DHRS13: variants seen among roughly 807,000 people sequenced by gnomAD.
DHRS13 encodes dehydrogenase/reductase 13.
DHRS13 carries 22 observed loss-of-function variants against 17.9 expected under a neutral mutation model. The observed-to-expected ratio is 1.23, with a 90% CI of 0.88 to 1.75. The LOEUF (loss-of-function observed/expected upper bound fraction) is 1.75. DHRS13 is among the 40% of genes most tolerant of loss of function. The pLI is 0.00. For synonymous variants in DHRS13, 206 were observed against 220.4 expected (o/e 0.93, Z 0.58); for missense variants, 483 against 519.9 (o/e 0.93, Z 0.69).
In DHRS13 at chr17:28,901,444, C is replaced by T. The variant is rs773448676; in HGVS notation, c.370+49G>A. The T allele has an allele frequency of 2.5e-6, 4 of 1,611,114 alleles. No homozygotes were observed. In the South Asian group the frequency reaches 3.3e-5, roughly 13 times the overall value. ...GGCCCCCGCTGGAGGGGGCAGTTGC[C>T]CCTGGCCACCCGCCACCCCACCCCC... On this transcript the variant is annotated intron_variant, in intron 3 of 4. Transcript: ENST00000378895. This position sits in a 1 kb window ranked among gnomAD's most constrained non-coding sequence, Gnocchi z 4.3.
At position 28,898,183 on chromosome 17, in the gene DHRS13, T is replaced by C. The variant is rs765422117; in HGVS notation, c.*258A>G. On this transcript the variant is annotated 3_prime_UTR_variant, in exon 5 of 5. Coordinates refer to ENST00000378895, the MANE Select transcript of DHRS13 (RefSeq NM_144683.4). ...CAATAAGGGTGGGGCCTGAAAATAC[T>C]ACATCCAAATTTCCGAGAAGCACAG... The C allele has an allele frequency of 7.0e-5, 35 of 503,192 alleles. No homozygotes were observed. The highest frequency in any genetic ancestry group is 1.1e-4 in the Non-Finnish European group (31 of 287,460). The allele number at this position is 503,192 out of a possible 1,614,324, so 31.2% of individuals were successfully genotyped here. A position where few individuals can be genotyped will look rare whatever the true frequency, so the allele number is the denominator to read the frequency against.
Position 28,898,686 on chromosome 17 carries a change from C to T in DHRS13, c.889G>A (p.Asp297Asn), listed in dbSNP as rs377069254. The T allele has an allele frequency of 3.1e-5, 50 of 1,613,460 alleles. No homozygotes were observed. The highest frequency in any genetic ancestry group is 8.3e-5 in the Admixed American group (5 of 59,960). The change falls in exon 5 of 5, where the codon GAC (aspartate) becomes AAC (asparagine). Residue 297 changes from aspartate to asparagine, a missense_variant. Asp to Asn is a conservative substitution (Grantham distance 23). Transcript: ENST00000378895. The part of the protein sequence containing the change: ...VEEVPPAARD[D>N]RAAHRLWEAS... ...TCCCATAGCCGATGGGCTGCCCGGT[C>T]GTCTCGGGCAGCTGGAGGCACCTCT...
Position 28,902,857 on chromosome 17 carries a change from C to T in DHRS13, c.88G>A (p.Gly30Ser), listed in dbSNP as rs769324384. 12 of 1,550,392 alleles carry T rather than the reference C, an allele frequency of 7.7e-6. No individual in the cohort carries two copies. The highest frequency in any genetic ancestry group is 1.0e-5 in the Non-Finnish European group (12 of 1,156,744). The change falls in exon 1 of 5, where the codon GGC becomes AGC. Residue 30 changes from glycine to serine, a missense_variant. Coordinates refer to ENST00000378895, the MANE Select transcript of DHRS13 (RefSeq NM_144683.4). This position sits in a 1 kb window ranked among gnomAD's most constrained non-coding sequence, Gnocchi z 4.0. ...GTGCGGCCCCGCAGGTTGCCCATGC[C>T]GCCGCACGGCGGGGCCTTCACCAGG... ...YNLVKAPPCG[G>S]MGNLRGRTAV...
At position 28,902,650 on chromosome 17, in the gene DHRS13, C is replaced by T. The variant is rs943576399; in HGVS notation, c.179G>A (p.Gly60Glu). 1.4e-6 allele frequency: 2 copies of T among 1,439,486 alleles called. No individual in the cohort carries two copies. The highest frequency in any genetic ancestry group is 1.5e-5 in the African/African-American group (1 of 67,096). 89.2% of individuals were successfully genotyped at this position (1,439,486 alleles called of 1,614,324 possible). Reference sequence around the variant, plus strand: ...GCGGCAGGCCAGCACCACGCGCGCTCCCCGGCGCGCCAGCTCCAGCGCCGT... The same window carrying T: ...GCGGCAGGCCAGCACCACGCGCGCTTCCCGGCGCGCCAGCTCCAGCGCCGT... ...KMTALELARR[G>E]ARVVLACRSQ... The change falls in exon 2 of 5, where the codon GGA (glycine) becomes GAA (glutamate). Residue 60 changes from glycine to glutamate, a missense_variant. Gly to Glu is a moderately conservative substitution (Grantham distance 98). Coordinates refer to ENST00000378895, the MANE Select transcript of DHRS13 (RefSeq NM_144683.4). The surrounding 1 kb of genome is among the most constrained non-coding windows in gnomAD (Gnocchi z 4.0).
rs1350052790 is a variant in DHRS13, at chr17:28,898,631, G to T, written c.944C>A (p.Pro315His). 1 of 1,613,824 alleles carries T rather than the reference G, an allele frequency of 6.2e-7. No homozygotes were observed. The highest frequency in any genetic ancestry group is 1.7e-5 in the Admixed American group (1 of 59,968). Residue 315 changes from proline to histidine, a missense_variant, in exon 5 of 5, where the codon CCT becomes CAT. By Grantham distance (77) the Pro-to-His change is moderately conservative. Transcript: ENST00000378895. The part of the protein sequence containing the change: ...EASKRLAGLG[P>H]GEDAEPDEDP... Reference sequence around the variant, plus strand: ...TTCATCGGGTTCAGCATCCTCCCCAGGCCCAAGCCCTGCCAGCCTCTTGCT... The same window carrying T: ...TTCATCGGGTTCAGCATCCTCCCCATGCCCAAGCCCTGCCAGCCTCTTGCT...
chr17:28,902,751 G>A lies in DHRS13; in HGVS notation c.128-50C>T. 2 of 1,386,958 alleles carry A rather than the reference G, an allele frequency of 1.4e-6. No individual in the cohort carries two copies. Among genetic ancestry groups the A allele is most frequent in the Non-Finnish European group, 1.9e-6 (2 of 1,079,600 alleles). The allele number at this position is 1,386,958 out of a possible 1,614,324, so 85.9% of individuals were successfully genotyped here. ...GCTGAGCTGAGCCCGGCGGGCCGCTGCTACCGCCGGCCCGGCCTCCTCTCC... is the reference window on the plus strand; with the variant it reads ...GCTGAGCTGAGCCCGGCGGGCCGCTACTACCGCCGGCCCGGCCTCCTCTCC... On this transcript the variant is annotated intron_variant, in intron 1 of 4. Coordinates refer to ENST00000378895, the MANE Select transcript of DHRS13 (RefSeq NM_144683.4). This position sits in a 1 kb window ranked among gnomAD's most constrained non-coding sequence, Gnocchi z 4.0.
At position 28,902,905 on chromosome 17, in the gene DHRS13, C is replaced by T. The variant is rs749334823; in HGVS notation, c.40G>A (p.Ala14Thr). The T allele has an allele frequency of 6.4e-7, 1 of 1,552,840 alleles. No homozygotes were observed. The change falls in exon 1 of 5, where the codon GCT becomes ACT. Residue 14 changes from alanine to threonine, a missense_variant. Physicochemically the swap from Ala to Thr is moderately conservative, Grantham distance 58 (BLOSUM62 0). Coordinates refer to ENST00000378895, the MANE Select transcript of DHRS13 (RefSeq NM_144683.4). The surrounding 1 kb of genome is among the most constrained non-coding windows in gnomAD (Gnocchi z 4.0). ...LLLGAGLLLGAYVLVYYNLVK... is the reference protein window; with the variant it reads ...LLLGAGLLLGTYVLVYYNLVK... Reference sequence around the variant, plus strand: ...AGGTTGTAGTAGACAAGCACGTAAGCGCCCAGCAGCAACCCCGCGCCCAGC... The same window carrying T: ...AGGTTGTAGTAGACAAGCACGTAAGTGCCCAGCAGCAACCCCGCGCCCAGC...
Position 28,901,225 on chromosome 17 carries a change from C to T in DHRS13, c.447G>A (p.Leu149=). ...TCAGGCAAGGCAGCAGCAGATGTGT[C>T]AGCAGAAAGGGACCGATATGGTTCA... ...LRVNHIGPFL[L]THLLLPCLKA... is the part of the protein sequence containing the mutation. Residue 149 remains leucine (L), a synonymous_variant, in exon 4 of 5, where the codon CTG becomes CTA. Coordinates refer to ENST00000378895, the MANE Select transcript of DHRS13 (RefSeq NM_144683.4). The surrounding 1 kb of genome is among the most constrained non-coding windows in gnomAD (Gnocchi z 4.3). 1 of 1,614,196 alleles carries T rather than the reference C, an allele frequency of 6.2e-7. No homozygotes were observed. Among genetic ancestry groups the T allele is most frequent in the African/African-American group, 1.3e-5 (1 of 75,048 alleles).
Position 28,902,742 on chromosome 17 carries a change from C to G in DHRS13, c.128-41G>C. 1.5e-6 allele frequency: 2 copies of G among 1,374,028 alleles called. No individual in the cohort carries two copies. Among genetic ancestry groups the G allele is most frequent in the Non-Finnish European group, 1.9e-6 (2 of 1,074,186 alleles). The allele number at this position is 1,374,028 out of a possible 1,614,324, so 85.1% of individuals were successfully genotyped here. A position where few individuals can be genotyped will look rare whatever the true frequency, so the allele number is the denominator to read the frequency against. ...GGGAGCCGAGCTGAGCTGAGCCCGG[C>G]GGGCCGCTGCTACCGCCGGCCCGGC... On this transcript the variant is annotated intron_variant, in intron 1 of 4. Transcript: ENST00000378895. The surrounding 1 kb of genome is among the most constrained non-coding windows in gnomAD (Gnocchi z 4.0).
In DHRS13 at chr17:28,898,254, C is replaced by G. The variant is rs562705114; in HGVS notation, c.*187G>C. 629 of 624,868 alleles carry G rather than the reference C, an allele frequency of 1.0e-3. 3 individuals are homozygous for G. Among genetic ancestry groups the G allele is most frequent in the South Asian group, 1.4e-3 (63 of 45,022 alleles). 38.7% of individuals were successfully genotyped at this position (624,868 alleles called of 1,614,324 possible). On this transcript the variant is annotated 3_prime_UTR_variant, in exon 5 of 5. Coordinates refer to ENST00000378895, the MANE Select transcript of DHRS13 (RefSeq NM_144683.4). The stretch of plus-strand genomic sequence containing the variant: ...CTCCATCTGGGGTTACTGTCACTCT[C>G]AGGAAGAAATAATCACCCATTATTC...
chr17:28,898,641 C>T lies in DHRS13; in HGVS notation c.934G>A (p.Gly312Arg). The T allele has an allele frequency of 6.2e-7, 1 of 1,613,798 alleles. No individual in the cohort carries two copies. The highest frequency in any genetic ancestry group is 8.5e-7 in the Non-Finnish European group (1 of 1,179,884). The change falls in exon 5 of 5, where the codon GGG (glycine) becomes AGG (arginine). Residue 312 changes from glycine (G) to arginine (R), a missense_variant. Coordinates refer to ENST00000378895, the MANE Select transcript of DHRS13 (RefSeq NM_144683.4). The part of the protein sequence containing the change: ...RLWEASKRLA[G>R]LGPGEDAEPD... ...TCAGCATCCTCCCCAGGCCCAAGCC[C>T]TGCCAGCCTCTTGCTGGCCTCCCAT...
rs898827580 is a variant in DHRS13, at chr17:28,902,765, G to A, written c.127+53C>T. ...GGCGGGCCGCTGCTACCGCCGGCCC[G>A]GCCTCCTCTCCGCGCGCCCCGCCAG... On this transcript the variant is annotated intron_variant, in intron 1 of 4. Transcript: ENST00000378895. The surrounding 1 kb of genome is among the most constrained non-coding windows in gnomAD (Gnocchi z 4.0). 2 of 1,429,656 alleles carry A rather than the reference G, an allele frequency of 1.4e-6. No homozygotes were observed. The highest frequency in any genetic ancestry group is 2.9e-5 in the Admixed American group (1 of 34,368). 88.6% of individuals were successfully genotyped at this position (1,429,656 alleles called of 1,614,324 possible). A position where few individuals can be genotyped will look rare whatever the true frequency, so the allele number is the denominator to read the frequency against.
chr17:28,901,801 G>T lies in DHRS13; in HGVS notation c.247-185C>A. The T allele has an allele frequency of 1.1e-6, 1 of 915,168 alleles. No homozygotes were observed. The highest frequency in any genetic ancestry group is 1.6e-6 in the Non-Finnish European group (1 of 629,692). The allele number at this position is 915,168 out of a possible 1,614,324, so 56.7% of individuals were successfully genotyped here. On this transcript the variant is annotated intron_variant, in intron 2 of 4. Coordinates refer to ENST00000378895, the MANE Select transcript of DHRS13 (RefSeq NM_144683.4). The surrounding 1 kb of genome is among the most constrained non-coding windows in gnomAD (Gnocchi z 4.3). Reference sequence around the variant, plus strand: ...GCCTTTTACTAAAGTGTGACCTTGGGCAAGATACTTAATCTCTCTGGGTCT... The same window carrying T: ...GCCTTTTACTAAAGTGTGACCTTGGTCAAGATACTTAATCTCTCTGGGTCT...
Position 28,898,871 on chromosome 17 carries a change from A to G in DHRS13, c.704T>C (p.Phe235Ser). The G allele has an allele frequency of 6.3e-7, 1 of 1,592,028 alleles. No homozygotes were observed. The highest frequency in any genetic ancestry group is 8.6e-7 in the Non-Finnish European group (1 of 1,168,542). Reference protein sequence around the residue: ...AHPGPVNSELFLRHVPGWLRP... With the variant: ...AHPGPVNSELSLRHVPGWLRP... ...CAGCCATCCAGGAACATGGCGCAGG[A>G]ACAGCTCCGAGTTCACAGGCCCTGT... The change falls in exon 5 of 5, where the codon TTC becomes TCC. Residue 235 changes from phenylalanine to serine, a missense_variant. Coordinates refer to ENST00000378895, the MANE Select transcript of DHRS13 (RefSeq NM_144683.4).
Position 28,902,989 on chromosome 17 carries a change from G to A in DHRS13, c.-45C>T. On this transcript the variant is annotated 5_prime_UTR_variant, in exon 1 of 5. Coordinates refer to ENST00000378895, the MANE Select transcript of DHRS13 (RefSeq NM_144683.4). This position sits in a 1 kb window ranked among gnomAD's most constrained non-coding sequence, Gnocchi z 4.0. ...TCCCGCCCAGGCCCCGCACCGCCCT[G>A]GATCGCCGCCAGGCGGCTGCCGATC... 7.3e-7 allele frequency: 1 copy of A among 1,376,078 alleles called. No homozygotes were observed. The allele number at this position is 1,376,078 out of a possible 1,614,324, so 85.2% of individuals were successfully genotyped here.
rs1368998924 is a variant in DHRS13 at position 28,902,498 on chromosome 17, G to C, written c.246+85C>G. On this transcript the variant is annotated intron_variant, in intron 2 of 4. Coordinates refer to ENST00000378895, the MANE Select transcript of DHRS13 (RefSeq NM_144683.4). This position sits in a 1 kb window ranked among gnomAD's most constrained non-coding sequence, Gnocchi z 4.0. ...GCGCCGCGCTCTCCTCCCTGGACCCGGATCCTCCGCAGCCCCTTTGCTGGC... is the reference window on the plus strand; with the variant it reads ...GCGCCGCGCTCTCCTCCCTGGACCCCGATCCTCCGCAGCCCCTTTGCTGGC... 1.5e-6 allele frequency: 2 copies of C among 1,303,062 alleles called. No homozygotes were observed. Among genetic ancestry groups the C allele is most frequent in the African/African-American group, 3.1e-5 (2 of 63,908 alleles). 80.7% of individuals were successfully genotyped at this position (1,303,062 alleles called of 1,614,324 possible).
chr17:28,901,179 C>T lies in DHRS13; in HGVS notation c.493G>A (p.Val165Met), dbSNP rs147458712. 11 of 1,613,794 alleles carry T rather than the reference C, an allele frequency of 6.8e-6. No individual in the cohort carries two copies. The highest frequency in any genetic ancestry group is 4.0e-5 in the African/African-American group (3 of 74,924). Residue 165 changes from valine (V) to methionine (M), a missense_variant, in exon 4 of 5, where the codon GTG becomes ATG. By Grantham distance (21) the Val-to-Met change is conservative. Coordinates refer to ENST00000378895, the MANE Select transcript of DHRS13 (RefSeq NM_144683.4). This position sits in a 1 kb window ranked among gnomAD's most constrained non-coding sequence, Gnocchi z 4.3. ...TGGGCAGCTGAGGCTACCACCACCA[C>T]GCGGCTAGGGGCACATGCCTTCAGG... ...PCLKACAPSR[V>M]VVVASAAHCR...
In DHRS13 at chr17:28,898,459, A is replaced by T. The variant is rs759562354; in HGVS notation, c.1116T>A (p.Pro372=). 26 of 1,559,560 alleles carry T rather than the reference A, an allele frequency of 1.7e-5. No homozygotes were observed. The highest frequency in any genetic ancestry group is 1.9e-5 in the Non-Finnish European group (22 of 1,151,164). Residue 372 remains proline, a synonymous_variant, in exon 5 of 5, where the codon CCT becomes CCA. Coordinates refer to ENST00000378895, the MANE Select transcript of DHRS13 (RefSeq NM_144683.4). ...MTHRIQAKVE[P]EIQLS ...CTGAGGGTTAGGAGAGCTGGATCTCAGGCTCAACTTTAGCCTGAATTCGGT... is the reference window on the plus strand; with the variant it reads ...CTGAGGGTTAGGAGAGCTGGATCTCTGGCTCAACTTTAGCCTGAATTCGGT...
In DHRS13 at chr17:28,901,349, A is replaced by G. The variant is rs1164508567; in HGVS notation, c.371-48T>C. The G allele has an allele frequency of 1.9e-6, 3 of 1,581,802 alleles. No homozygotes were observed. The African/African-American group carries it at 4.0e-5, about 21-fold the overall frequency. On this transcript the variant is annotated intron_variant, in intron 3 of 4. Transcript: ENST00000378895. The surrounding 1 kb of genome is among the most constrained non-coding windows in gnomAD (Gnocchi z 4.3). Reference sequence around the variant, plus strand: ...GCGGCTGCTCCAGAAGGAGCTCTGCAGCCTTGGCATCCCTATCTATGAGAT... The same window carrying G: ...GCGGCTGCTCCAGAAGGAGCTCTGCGGCCTTGGCATCCCTATCTATGAGAT...
Sources: allele counts gnomAD v4.1 joint callset, GRCh38; gene constraint gnomAD v4.1.1; non-coding constraint Gnocchi (gnomAD v3.1); transcripts MANE v1.5; gene names NCBI Gene and HGNC (gene_info 2026-07-23, HGNC 2026-07-21).